Variants in LRRC37A observed in about 807,000 individuals in gnomAD.
The protein encoded by LRRC37A is leucine rich repeat containing 37A.
A neutral mutation model predicts 35.4 loss-of-function variants in LRRC37A; 3 were observed. The ratio of observed to expected loss-of-function variants is 0.08; its 90% confidence interval spans 0.04 to 0.22. The LOEUF is 0.22. LRRC37A is among the 10% of genes least tolerant of loss of function. LRRC37A has a pLI of 1.00. For missense variants in LRRC37A, 67 were observed against 565.3 expected (o/e 0.12, Z 8.94); for synonymous variants, 23 against 215.0 (o/e 0.11, Z 7.81).
intron 5 of LRRC37A, among the ~76,000 whole-genome samples, chr17:46,317,137 A>G (rs2051185368): frequency 1.1e-5 from 1 of 89,494 alleles, no homozygotes; most frequent in Non-Finnish European, 3.3e-5. Context: ...TACACCTCCC[A>G]GATGGGGTGG....
At chr17:46,298,733 A>G (rs2050246023) in intron 1 of LRRC37A, among the ~76,000 whole-genome samples, 1 of 106,142 alleles carries the variant, frequency 9.4e-6, no homozygotes, top group South Asian at 3.2e-4. Context: ...CAAAAAAAAA[A>G]AAAAAAAAAA....
chr17:46,272,177 A>C, the LRRC37A span, among the ~76,000 whole-genome samples: 1 of 152,268 alleles, frequency 6.6e-6, no homozygotes, highest in South Asian at 2.1e-4. Context: ...GAAGCATAAC[A>C]GTTATTGAAA....
intron 1 of LRRC37A, among the ~76,000 whole-genome samples, chr17:46,298,784 G>A (rs1446698330): frequency 1.2e-5 from 1 of 85,880 alleles, no homozygotes; most frequent in African/African-American, 3.8e-5. Context: ...TAAAAAGGGA[G>A]GTATATATAA....
upstream of LRRC37A, among the ~76,000 whole-genome samples, chr17:46,290,246 C>G (rs959107118): frequency 2.0e-5 from 3 of 152,174 alleles, no homozygotes; most frequent in African/African-American, 7.2e-5. Context: ...CCCCTGGCCT[C>G]AGCCTCGCCA....
At chr17:46,262,787 G>GAAA in the LRRC37A span, among the ~76,000 whole-genome samples, 1 of 124,714 alleles carries the variant, frequency 8.0e-6, no homozygotes, top group Non-Finnish European at 1.7e-5. Context: ...CTCGGTCTTG[G>GAAA]AAAAAAAAAA....
chr17:46,264,382 TCCTC>T, the LRRC37A span, among the ~76,000 whole-genome samples: 24 of 152,212 alleles, frequency 1.6e-4, no homozygotes, highest in Non-Finnish European at 3.4e-4. Context: ...CTTGGGTTCT[TCCTC>T]CCGACAGGTA....
chr17:46,263,393 A>T, the LRRC37A span, among the ~76,000 whole-genome samples: 1 of 152,036 alleles, frequency 6.6e-6, no homozygotes, highest in African/African-American at 2.4e-5. Context: ...TCTACTAAAA[A>T]TACAAAAATT....
the LRRC37A span, among the ~76,000 whole-genome samples, chr17:46,265,390 C>T: frequency 9.0e-6 from 1 of 111,650 alleles, no homozygotes; most frequent in Non-Finnish European, 2.4e-5. Flanking sequence ...TTTTCTCTTC[C>T]TTCTCCTCCT....
the LRRC37A span, among the ~76,000 whole-genome samples, chr17:46,286,076 A>G: frequency 6.6e-6 from 1 of 152,106 alleles, no homozygotes; most frequent in Non-Finnish European, 1.5e-5. Flanking sequence ...GACACCGATC[A>G]TGGCCAATAA....
the LRRC37A span, among the ~76,000 whole-genome samples, chr17:46,260,915 G>A: frequency 6.6e-6 from 1 of 152,160 alleles, no homozygotes; most frequent in Non-Finnish European, 1.5e-5. Flanking sequence ...GAGCCACCGT[G>A]CCCCGTCTAT....
At chr17:46,267,167 C>G in the LRRC37A span, 3 of 565,742 alleles carry the variant, frequency 5.3e-6, no homozygotes, top group Non-Finnish European at 9.1e-6. Flanking sequence ...GCCCGGCCGC[C>G]GCGCCGCCGC....
upstream of LRRC37A, among the ~76,000 whole-genome samples, chr17:46,288,774 G>A (rs79317092): frequency 4.1e-5 from 6 of 148,028 alleles, no homozygotes; most frequent in African/African-American, 1.5e-4. Flanking sequence ...CACAATCTCG[G>A]CTCAGTGTAC....
the LRRC37A span, among the ~76,000 whole-genome samples, chr17:46,261,493 C>T: frequency 6.6e-6 from 1 of 151,924 alleles, no homozygotes; most frequent in Non-Finnish European, 1.5e-5. Flanking sequence ...CTCGCTGCAA[C>T]ATCCACCTCC....
upstream of LRRC37A, among the ~76,000 whole-genome samples, chr17:46,290,600 C>T (rs62073176): frequency 0.12 from 18,070 of 148,862 alleles, 30 homozygotes; most frequent in Middle Eastern, 0.19. Context: ...GTGCCTGCCA[C>T]CATGCCTGGC....
chr17:46,268,660 A>G, the LRRC37A span: 3 of 1,537,828 alleles, frequency 2.0e-6, no homozygotes, highest in Admixed American at 2.0e-5. Context: ...AGGGAAGGGC[A>G]AATTCAAGGT....
the LRRC37A span, among the ~76,000 whole-genome samples, chr17:46,262,504 C>T: frequency 4.6e-5 from 7 of 152,352 alleles, no homozygotes; most frequent in South Asian, 2.1e-4. Context: ...TGAGCCACTG[C>T]GCCTGGCCCC....
upstream of LRRC37A, among the ~76,000 whole-genome samples, chr17:46,292,084 C>T (rs888880134): frequency 7.0e-6 from 1 of 143,512 alleles, no homozygotes; most frequent in Non-Finnish European, 1.5e-5. Context: ...GCAATCCCAG[C>T]ACTTTGAGAG....
At chr17:46,267,446 T>G in the LRRC37A span, 14 of 1,612,980 alleles carry the variant, frequency 8.7e-6, no homozygotes, top group East Asian at 8.9e-5. Flanking sequence ...CCCCGACGTC[T>G]TCTTCTTCCG....
At chr17:46,267,650 T>G in the LRRC37A span, 1 of 1,352,320 alleles carries the variant, frequency 7.4e-7, no homozygotes, top group Non-Finnish European at 1.0e-6. Context: ...GTAACATGAT[T>G]AGGATTTAGA....
Sources: gnomAD v4.1 joint callset for allele counts (sites outside exome capture counted in the v4.1 genomes callset) on GRCh38, gnomAD v4.1.1 for gene constraint, MANE v1.5 for transcripts, NCBI Gene and HGNC (gene_info 2026-07-23, HGNC 2026-07-21) for gene names.